Variants in PRKCI observed in about 807,000 individuals in gnomAD.
The protein encoded by PRKCI is protein kinase C iota.
A neutral mutation model predicts 84.0 loss-of-function variants in PRKCI; 43 were observed. The ratio of observed to expected loss-of-function variants is 0.51; its 90% CI spans 0.40 to 0.66. The LOEUF is 0.66. Ranked by LOEUF, PRKCI falls within the 30% of genes least tolerant of loss-of-function variation. The pLI is 0.00. For synonymous variants in PRKCI, 216 were observed against 234.4 expected, an observed-to-expected ratio of 0.92 and a Z score of 0.72; for missense variants, 459 against 745.6, an observed-to-expected ratio of 0.62 and a Z score of 4.48.
At chr3:170,290,041 C>G (rs1734505172) in intron 12 of PRKCI, among the ~76,000 whole-genome samples, 1 of 151,828 alleles carries the variant, frequency 6.6e-6, no homozygotes, top group African/African-American at 2.4e-5. Context: ...CCACTGAACT[C>G]CAGCCTGGAT....
At chr3:170,267,833 A>G in intron 4 of PRKCI, 82 bp from the exon 5 acceptor site, 1 of 1,059,714 alleles carries the variant, frequency 9.4e-7, no homozygotes, top group Non-Finnish European at 1.3e-6. Flanking sequence ...GAGTATCATG[A>G]AAAAATTACA....
At chr3:170,265,767 G>A (rs544509471) in intron 4 of PRKCI, among the ~76,000 whole-genome samples, 63 of 149,690 alleles carry the variant, frequency 4.2e-4, no homozygotes, top group Non-Finnish European at 6.0e-4. Context: ...TACCACGCCC[G>A]TCTAATTTTT....
At chr3:170,301,372 AT>A (rs1262504407) in intron 17 of PRKCI, among the ~76,000 whole-genome samples, 2 of 152,226 alleles carry the variant, frequency 1.3e-5, no homozygotes, top group East Asian at 1.9e-4. Flanking sequence ...TGAAGCACTT[AT>A]CCCCTGCCGT....
At chr3:170,225,998 C>T (rs890972515) in intron 1 of PRKCI, among the ~76,000 whole-genome samples, 10 of 151,854 alleles carry the variant, frequency 6.6e-5, no homozygotes, top group Non-Finnish European at 1.3e-4. Context: ...TTGCAACCTC[C>T]GCCTCCCAGG....
rs1235540440 is a variant in PRKCI at position 170,305,373 on chromosome 3, A to G, written c.*2246A>G. On this transcript the variant is annotated 3_prime_UTR_variant, in exon 18 of 18. Transcript: ENST00000295797. ...AGTATTCATGATAAAACATTTTGAG[A>G]AGGGGTAAGCAGTGAGTTATTACCC... 2.0e-5 allele frequency: 3 copies of G among 152,734 alleles called. No homozygotes were observed. Among genetic ancestry groups the G allele is most frequent in the African/African-American group, 7.2e-5 (3 of 41,576 alleles). The allele number at this position is 152,734 out of a possible 1,614,324, so 9.5% of individuals were successfully genotyped here.
intron 1 of PRKCI, among the ~76,000 whole-genome samples, chr3:170,232,585 G>A (rs79283253): frequency 6.7e-6 from 1 of 150,038 alleles, no homozygotes; most frequent in Admixed American, 6.6e-5. Context: ...TTTTTTTTTA[G>A]AGACAGAGTC....
intron 2 of PRKCI, among the ~76,000 whole-genome samples, chr3:170,258,338 C>G (rs1217701188): frequency 2.0e-5 from 3 of 151,302 alleles, no homozygotes; most frequent in African/African-American, 7.3e-5. Context: ...GACAGTCTTG[C>G]TTTGTTGCCC....
intron 6 of PRKCI, among the ~76,000 whole-genome samples, chr3:170,272,531 A>G (rs551877033): frequency 1.3e-5 from 2 of 152,196 alleles, no homozygotes; most frequent in Non-Finnish European, 2.9e-5. Context: ...GTTACTATTA[A>G]TATTTTTGAG....
In PRKCI at chr3:170,270,575, C is replaced by CTTT. The variant is rs1560178177; in HGVS notation, c.591+14_591+15insTTT. Reference sequence around the variant, plus strand: ...TCTTTGCCACAGGTAAGATGTCTGTCCTTTTTTTTTTTTTTTTTTTTAAGA... The same window carrying CTTT: ...TCTTTGCCACAGGTAAGATGTCTGTCTTTCTTTTTTTTTTTTTTTTTTTTAAGA... On this transcript the variant is annotated intron_variant, in intron 6 of 17. Transcript: ENST00000295797. The CTTT allele has an allele frequency of 2.8e-6, 4 of 1,415,098 alleles. No individual in the cohort carries two copies. The African/African-American group carries it at 8.2e-5, about 29-fold the overall frequency. 87.7% of individuals were successfully genotyped at this position (1,415,098 alleles called of 1,614,324 possible).
rs1286297115 is a variant in PRKCI, at chr3:170,303,645, G to C, written c.*518G>C. The C allele has an allele frequency of 4.5e-6, 1 of 223,710 alleles. No individual in the cohort carries two copies. Among genetic ancestry groups the C allele is most frequent in the Non-Finnish European group, 8.9e-6 (1 of 112,202 alleles). 13.9% of individuals were successfully genotyped at this position (223,710 alleles called of 1,614,324 possible). On this transcript the variant is annotated 3_prime_UTR_variant, in exon 18 of 18. Transcript: ENST00000295797. The stretch of plus-strand genomic sequence containing the variant: ...TATTGCCTTGGATAAATAAATTATT[G>C]ATCTTTTTTAAGGCAGCAGTTATTA...
intron 2 of PRKCI, among the ~76,000 whole-genome samples, chr3:170,254,941 CT>C (rs574409624): frequency 1.9e-3 from 266 of 136,896 alleles, no homozygotes; most frequent in African/African-American, 6.9e-3. Flanking sequence ...AGTATTGATT[CT>C]TCCAATCCAT....
chr3:170,252,838 T>G (rs1387100440), intron 2 of PRKCI, among the ~76,000 whole-genome samples: 2 of 152,180 alleles, frequency 1.3e-5, no homozygotes, highest in African/African-American at 2.4e-5. Context: ...TCTTACTCAT[T>G]CTGTGTGAGT....
chr3:170,245,949 G>GTTTTTTTTTTTTGTTTGTTTGTTT (rs1733266404), intron 2 of PRKCI, among the ~76,000 whole-genome samples: 27 of 82,456 alleles, frequency 3.3e-4, no homozygotes, highest in African/African-American at 6.8e-4. Flanking sequence ...TTATGTCTTT[G>GTTTTTTTTTTTTGTTTGTTTGTTT]TTTTTTTTTT....
intron 2 of PRKCI, among the ~76,000 whole-genome samples, chr3:170,252,446 A>G (rs548431035): frequency 5.9e-5 from 9 of 152,246 alleles, no homozygotes; most frequent in African/African-American, 2.2e-4. Context: ...CGTAAATGGG[A>G]TATTCATCAC....
chr3:170,243,927 A>C (rs1450090334), intron 2 of PRKCI, among the ~76,000 whole-genome samples: 1 of 152,188 alleles, frequency 6.6e-6, no homozygotes, highest in African/African-American at 2.4e-5. Context: ...AAGGAATTAG[A>C]CTGGGGTTCA....
At chr3:170,264,438 T>C (rs1420920027) in intron 4 of PRKCI, among the ~76,000 whole-genome samples, 2 of 151,978 alleles carry the variant, frequency 1.3e-5, no homozygotes, top group African/African-American at 4.8e-5. Flanking sequence ...AACACCATGC[T>C]CAGCTTATTT....
At chr3:170,273,764 A>G (rs546183781) in intron 7 of PRKCI, among the ~76,000 whole-genome samples, 91 of 151,524 alleles carry the variant, frequency 6.0e-4, no homozygotes, top group Middle Eastern at 6.8e-3. Flanking sequence ...GCAGTGAGCC[A>G]AGATCATGCC....
chr3:170,276,200 A>C (rs553673177), intron 8 of PRKCI, among the ~76,000 whole-genome samples: 1 of 152,198 alleles, frequency 6.6e-6, no homozygotes, highest in South Asian at 2.1e-4. Flanking sequence ...CAGCCTCTCT[A>C]AGTGTTAGGA....
At chr3:170,281,722 T>TG (rs1734256389) in intron 10 of PRKCI, 160 bp from the exon 11 acceptor site, 1 of 872,698 alleles carries the variant, frequency 1.1e-6, no homozygotes, top group African/African-American at 1.7e-5. Context: ...CTTTCTCGTA[T>TG]GTTCCGTACC....
Sources: allele counts gnomAD v4.1 joint callset (sites outside exome capture counted in the v4.1 genomes callset), GRCh38; gene constraint gnomAD v4.1.1; transcripts MANE v1.5; gene names NCBI Gene and HGNC (gene_info 2026-07-23, HGNC 2026-07-21).